KIAA2012: variants seen among roughly 807,000 people sequenced by gnomAD.
KIAA2012 encodes KIAA2012.
A neutral mutation model predicts 150.6 loss-of-function variants in KIAA2012; 125 were observed. That is an observed-to-expected ratio of 0.83 (90% CI 0.72 to 0.96). The LOEUF is 0.96. Among genes scored for constraint, KIAA2012 ranks in the 40% least tolerant of loss-of-function variants. KIAA2012 has a pLI of 0.00. For synonymous variants in KIAA2012, 462 were observed against 504.7 expected, an observed-to-expected ratio of 0.92 and a Z score of 1.13; for missense variants, 1,219 against 1,354.9, an observed-to-expected ratio of 0.90 and a Z score of 1.57.
At chr2:202,166,968 C>T (rs917124481) in intron 15 of KIAA2012, among the ~76,000 whole-genome samples, 4 of 152,056 alleles carry the variant, frequency 2.6e-5, no homozygotes, top group Admixed American at 6.5e-5. Context: ...GTCAGGAGAT[C>T]GAGACCATCC....
chr2:202,185,625 C>CA (rs1054959557), intron 16 of KIAA2012, among the ~76,000 whole-genome samples: 1 of 151,744 alleles, frequency 6.6e-6, no homozygotes, highest in Non-Finnish European at 1.5e-5. Flanking sequence ...CCAAAAAACA[C>CA]AAAAATTTTT....
intron 1 of KIAA2012, among the ~76,000 whole-genome samples, chr2:202,074,380 G>A (rs1689275211): frequency 6.6e-6 from 1 of 152,134 alleles, no homozygotes; most frequent in Non-Finnish European, 1.5e-5. Context: ...ATGGCCAATG[G>A]CATTTTCTTA....
chr2:202,088,259 CTT>C (rs1338294336), intron 2 of KIAA2012, among the ~76,000 whole-genome samples: 1 of 152,136 alleles, frequency 6.6e-6, no homozygotes, highest in African/African-American at 2.4e-5. Flanking sequence ...AATTGGGACT[CTT>C]TTAGCAGAAA....
intron 11 of KIAA2012, chr2:202,117,027 G>A (rs181389828): frequency 6.6e-6 from 1 of 152,340 alleles, no homozygotes; most frequent in Non-Finnish European, 1.5e-5. Context: ...GCCTTGAGAG[G>A]AGGTTCTCCA....
Position 202,190,512 on chromosome 2 carries a change from A to G in KIAA2012, c.2811+19A>G. The G allele has an allele frequency of 6.9e-7, 1 of 1,457,434 alleles. No homozygotes were observed. The highest frequency in any genetic ancestry group is 9.1e-7 in the Non-Finnish European group (1 of 1,097,796). 90.3% of individuals were successfully genotyped at this position (1,457,434 alleles called of 1,614,324 possible). On this transcript the variant is annotated intron_variant, in intron 19 of 23. Transcript: ENST00000498697. ...TTCCAAGGTAGGGTCTGATGTCCTC[A>G]GCTTGACAGAGGAAGTTCTGTTCTC... is the stretch of plus-strand genomic sequence containing the variant.
intron 15 of KIAA2012, among the ~76,000 whole-genome samples, chr2:202,175,246 T>C (rs893072279): frequency 5.6e-4 from 85 of 152,338 alleles, no homozygotes; most frequent in African/African-American, 2.0e-3. Flanking sequence ...AACACTTGGG[T>C]CTAGAAACTT....
intron 20 of KIAA2012, 76 bp from the exon 21 acceptor site, chr2:202,194,114 C>A: frequency 6.8e-7 from 1 of 1,479,062 alleles, no homozygotes; most frequent in Non-Finnish European, 9.1e-7. Context: ...CCCCCATGGG[C>A]ACTGTCTGTT....
At chr2:202,158,265 A>T (rs1691570398) in intron 14 of KIAA2012, among the ~76,000 whole-genome samples, 1 of 152,118 alleles carries the variant, frequency 6.6e-6, no homozygotes, top group Non-Finnish European at 1.5e-5. Context: ...AAGTGCTGGG[A>T]TTACAGGCGT....
At chr2:202,126,641 G>A (rs898604149) in intron 12 of KIAA2012, among the ~76,000 whole-genome samples, 3 of 151,032 alleles carry the variant, frequency 2.0e-5, no homozygotes. Flanking sequence ...GGTGGTGGTG[G>A]TGGTGGTGGT....
At chr2:202,202,072 G>A (rs958969759) in intron 22 of KIAA2012, among the ~76,000 whole-genome samples, 7 of 152,186 alleles carry the variant, frequency 4.6e-5, no homozygotes, top group Non-Finnish European at 1.0e-4. Context: ...TGCTCAGGCT[G>A]ATCTCAAACA....
At chr2:202,184,699 C>T (rs1475223528) in intron 15 of KIAA2012, 54 bp from the exon 16 acceptor site, 1 of 1,281,730 alleles carries the variant, frequency 7.8e-7, no homozygotes, top group Non-Finnish European at 1.1e-6. Flanking sequence ...TGTCTGATCT[C>T]CTCCTAGGAT....
Position 202,090,786 on chromosome 2 carries a change from C to T in KIAA2012, c.386C>T (p.Ala129Val), listed in dbSNP as rs1483466951. The T allele has an allele frequency of 1.9e-5, 30 of 1,550,172 alleles. No homozygotes were observed. In the East Asian group the frequency reaches 7.1e-4, roughly 37 times the overall value. The change falls in exon 3 of 24, where the codon GCC (alanine) becomes GTC (valine). Residue 129 changes from alanine to valine, a missense_variant. Coordinates refer to ENST00000498697, the MANE Select transcript of KIAA2012 (RefSeq NM_001277372.4). ...YGRQQGEQDR[A>V]WQPYLHFRSQ... ...TCCCCACAGGGAGAGCAGGACAGAGCCTGGCAACCATACCTCCACTTCCGA... is the reference window on the plus strand; with the variant it reads ...TCCCCACAGGGAGAGCAGGACAGAGTCTGGCAACCATACCTCCACTTCCGA...
At chr2:202,163,000 A>G (rs116011070) in intron 14 of KIAA2012, among the ~76,000 whole-genome samples, 1 of 152,084 alleles carries the variant, frequency 6.6e-6, no homozygotes, top group African/African-American at 2.4e-5. Flanking sequence ...ATAAGCTAAT[A>G]ATAATTTATT....
chr2:202,147,995 G>C (rs1003546083), intron 13 of KIAA2012, among the ~76,000 whole-genome samples: 1 of 152,130 alleles, frequency 6.6e-6, no homozygotes, highest in Non-Finnish European at 1.5e-5. Flanking sequence ...CACTGTTTTG[G>C]CTTGAAATTT....
Position 202,144,477 on chromosome 2 carries a change from C to T in KIAA2012, c.1908+5969C>T, listed in dbSNP as rs145852324. ...GTTTCACAGATGGTGTTCATATCCC[C>T]GTCAGCTCTCCTCTTTCAGGACCAA... is the stretch of plus-strand genomic sequence containing the variant. On this transcript the variant is annotated intron_variant, in intron 13 of 23. Transcript: ENST00000498697. 8.1e-4 allele frequency among the ~76,000 whole-genome samples: 124 copies of T among 152,178 alleles called. 1 individual carries two copies. The highest frequency in any genetic ancestry group is 6.1e-3 in the Admixed American group (93 of 15,296).
chr2:202,111,259 G>A (rs1452373271), intron 10 of KIAA2012, among the ~76,000 whole-genome samples: 1 of 151,468 alleles, frequency 6.6e-6, no homozygotes, highest in African/African-American at 2.4e-5. Flanking sequence ...CACTTTGGGA[G>A]GCTGAGGTGG....
At chr2:202,108,116 T>C (rs1690248112) in intron 9 of KIAA2012, among the ~76,000 whole-genome samples, 1 of 152,188 alleles carries the variant, frequency 6.6e-6, no homozygotes, top group Non-Finnish European at 1.5e-5. Flanking sequence ...GACTGCTCCA[T>C]TGCCACGGAG....
chr2:202,094,661 G>A (rs1689817720), intron 4 of KIAA2012, among the ~76,000 whole-genome samples: 1 of 151,986 alleles, frequency 6.6e-6, no homozygotes, highest in South Asian at 2.1e-4. Context: ...TGGAACTGTA[G>A]GAGCACACCA....
intron 14 of KIAA2012, among the ~76,000 whole-genome samples, chr2:202,162,625 C>T (rs547670204): frequency 2.1e-5 from 3 of 141,884 alleles, no homozygotes; most frequent in Non-Finnish European, 3.0e-5. Flanking sequence ...TGCAGTTCTA[C>T]GTTAATTCAT....
Sources: allele counts gnomAD v4.1 joint callset (sites outside exome capture counted in the v4.1 genomes callset), GRCh38; gene constraint gnomAD v4.1.1; transcripts MANE v1.5; gene names NCBI Gene and HGNC (gene_info 2026-07-23, HGNC 2026-07-21).